MYO16: variants seen among roughly 807,000 people sequenced by gnomAD.
MYO16 encodes myosin XVI, also known as unconventional myosin-XVI.
A neutral mutation model predicts 205.3 loss-of-function variants in MYO16; 94 were observed. The ratio of observed to expected loss-of-function variants is 0.46; its 90% CI spans 0.39 to 0.54. The LOEUF (loss-of-function observed/expected upper bound fraction) is 0.54, where lower values mean the gene tolerates loss of function less well. Among genes scored for constraint, MYO16 ranks in the 20% least tolerant of loss-of-function variants. The probability of loss-of-function intolerance (pLI) is 0.00; values close to 1 mark genes in which losing one functional copy is unlikely to be tolerated. For synonymous variants in MYO16, 988 were observed against 954.0 expected (o/e 1.04, Z -0.66); for missense variants, 2,315 against 2,387.5 (o/e 0.97, Z 0.63).
intron 16 of MYO16, among the ~76,000 whole-genome samples, chr13:108,930,575 A>C (rs1882211088): frequency 6.6e-6 from 1 of 152,214 alleles, no homozygotes; most frequent in South Asian, 2.1e-4. Context: ...TCACTTCCCA[A>C]ATCTTATTTT....
intron 7 of MYO16, among the ~76,000 whole-genome samples, chr13:108,811,239 G>A (rs1050688122): frequency 1.3e-5 from 2 of 152,196 alleles, no homozygotes; most frequent in South Asian, 2.1e-4. Context: ...TTACCCAAGT[G>A]TATAAAAATT....
intron 27 of MYO16, among the ~76,000 whole-genome samples, chr13:109,073,968 C>A (rs779247706): frequency 1.3e-5 from 2 of 152,218 alleles, no homozygotes; most frequent in Non-Finnish European, 2.9e-5. Context: ...CGGGAAGGTA[C>A]TCCTTCAGTG....
intron 15 of MYO16, among the ~76,000 whole-genome samples, chr13:108,908,338 A>C (rs1282111051): frequency 6.6e-6 from 1 of 152,204 alleles, no homozygotes; most frequent in Non-Finnish European, 1.5e-5. Flanking sequence ...AGGGATATTA[A>C]TTTTGAAATT....
intron 1 of MYO16, among the ~76,000 whole-genome samples, chr13:108,601,108 T>C (rs183898881): frequency 8.1e-4 from 124 of 152,226 alleles, no homozygotes; most frequent in Admixed American, 2.1e-3. Context: ...TTTTGCGAGG[T>C]AGACAGAGAT....
intron 4 of MYO16, among the ~76,000 whole-genome samples, chr13:108,745,953 C>T (rs190400491): frequency 2.0e-4 from 31 of 152,054 alleles, no homozygotes; most frequent in Non-Finnish European, 4.0e-4. Context: ...TTTGGGAGGC[C>T]GAGGCGGGCA....
chr13:108,903,491 G>T (rs929950053), intron 15 of MYO16, among the ~76,000 whole-genome samples: 16 of 152,058 alleles, frequency 1.1e-4, no homozygotes, highest in African/African-American at 3.9e-4. Flanking sequence ...ACATTCCAAG[G>T]TATTGAGGAT....
At chr13:108,590,527 T>C in the MYO16 span, among the ~76,000 whole-genome samples, 1 of 152,204 alleles carries the variant, frequency 6.6e-6, no homozygotes, top group Non-Finnish European at 1.5e-5. Context: ...CCTGCAAATG[T>C]GACCTTATTT....
intron 23 of MYO16, among the ~76,000 whole-genome samples, chr13:109,022,175 AT>A (rs1415692011): frequency 1.4e-5 from 2 of 140,730 alleles, no homozygotes; most frequent in African/African-American, 5.3e-5. Context: ...ACAAATATAT[AT>A]TTATATATTA....
chr13:108,510,425 A>ATTTTTTTTTT, the MYO16 span, among the ~76,000 whole-genome samples: 21 of 97,082 alleles, frequency 2.2e-4, 1 homozygote, highest in South Asian at 3.9e-4. Flanking sequence ...TAGATAGTTA[A>ATTTTTTTTTT]TTTTTTTTTT....
At chr13:108,673,282 T>C (rs1228950523) in intron 2 of MYO16, among the ~76,000 whole-genome samples, 6 of 152,134 alleles carry the variant, frequency 3.9e-5, no homozygotes, top group Non-Finnish European at 8.8e-5. Context: ...GTCAAGGGAA[T>C]GTCCAAAGGC....
intron 2 of MYO16, among the ~76,000 whole-genome samples, chr13:108,682,267 C>A (rs755445563): frequency 6.6e-6 from 1 of 152,288 alleles, no homozygotes; most frequent in South Asian, 2.1e-4. Context: ...TGAATATGAT[C>A]TAATAGGGAC....
intron 2 of MYO16, among the ~76,000 whole-genome samples, chr13:108,704,080 A>G (rs1019091488): frequency 3.9e-5 from 6 of 152,206 alleles, no homozygotes; most frequent in Admixed American, 2.0e-4. Flanking sequence ...AGAGGAAATC[A>G]AACTGCCAAC....
At position 108,667,838 on chromosome 13, in the gene MYO16, G is replaced by C. The variant is rs181087963; in HGVS notation, c.292+1689G>C. Among the ~76,000 whole-genome samples, 416 of 152,218 alleles carry C rather than the reference G, an allele frequency of 2.7e-3. 2 individuals carry two copies. The highest frequency in any genetic ancestry group is 5.6e-3 in the Admixed American group (85 of 15,280). On this transcript the variant is annotated intron_variant, in intron 2 of 34. Coordinates refer to ENST00000457511, the MANE Select transcript of MYO16 (RefSeq NM_001198950.3). ...AGGTGGAAGACTCTCCTGAGGCCAG[G>C]AGTTTGAGACAAGCCTGGGCAACAT... is the stretch of plus-strand genomic sequence containing the variant.
At chr13:108,936,096 CCT>C (rs1280843511) in intron 16 of MYO16, among the ~76,000 whole-genome samples, 12 of 84,094 alleles carry the variant, frequency 1.4e-4, no homozygotes, top group East Asian at 1.1e-3. Context: ...TTCCTTCCTT[CCT>C]TCCTTCCTTC....
intron 34 of MYO16, among the ~76,000 whole-genome samples, chr13:109,199,376 C>T (rs1010524176): frequency 4.6e-5 from 7 of 151,336 alleles, no homozygotes; most frequent in African/African-American, 1.5e-4. Context: ...CAGAGGCATA[C>T]GATGCAAGCG....
intron 11 of MYO16, among the ~76,000 whole-genome samples, chr13:108,857,980 A>G (rs74119668): frequency 8.8e-4 from 134 of 152,330 alleles, no homozygotes; most frequent in African/African-American, 3.1e-3. Context: ...AGAAAAGCTC[A>G]ATCGATTAGG....
intron 23 of MYO16, among the ~76,000 whole-genome samples, chr13:109,042,188 A>C (rs914282772): frequency 3.9e-5 from 6 of 152,220 alleles, no homozygotes; most frequent in Non-Finnish European, 7.3e-5. Flanking sequence ...GACAAGGCCA[A>C]TGTGAAACTT....
chr13:109,104,415 C>T (rs1889061575), intron 28 of MYO16, among the ~76,000 whole-genome samples: 1 of 152,168 alleles, frequency 6.6e-6, no homozygotes, highest in African/African-American at 2.4e-5. Flanking sequence ...CAGGGTGACT[C>T]TGATCAGAAT....
chr13:108,666,389 T>G (rs1360577072), intron 2 of MYO16, among the ~76,000 whole-genome samples: 1 of 152,192 alleles, frequency 6.6e-6, no homozygotes, highest in African/African-American at 2.4e-5. Context: ...ATTGTATTTT[T>G]TTTTTTAAAG....
Sources: gnomAD v4.1 joint callset for allele counts (sites outside exome capture counted in the v4.1 genomes callset) on GRCh38, gnomAD v4.1.1 for gene constraint, MANE v1.5 for transcripts, NCBI Gene and HGNC (gene_info 2026-07-23, HGNC 2026-07-21) for gene names.